The following XPNPEP3 variants were observed in gnomAD, a reference collection of about 807,000 sequenced individuals.
XPNPEP3 encodes xaa-Pro aminopeptidase 3.
A neutral mutation model predicts 60.0 loss-of-function variants in XPNPEP3; 41 were observed. The ratio of observed to expected loss-of-function variants is 0.68; its 90% CI spans 0.53 to 0.89. XPNPEP3 has a LOEUF of 0.89. XPNPEP3 is among the 40% of genes least tolerant of loss of function. The probability of loss-of-function intolerance (pLI) is 0.00; values close to 1 mark genes in which losing one functional copy is unlikely to be tolerated. For missense variants in XPNPEP3, 598 were observed against 638.9 expected (o/e 0.94, Z 0.69); for synonymous variants, 212 against 223.2 (o/e 0.95, Z 0.45).
intron 2 of XPNPEP3, among the ~76,000 whole-genome samples, chr22:40,870,631 A>G (rs1037504119): frequency 9.2e-5 from 14 of 152,214 alleles, no homozygotes; most frequent in African/African-American, 3.4e-4. Flanking sequence ...AAAAGTATCA[A>G]AAGAATTAAT....
intron 1 of XPNPEP3, chr22:40,861,149 G>T: frequency 1.2e-6 from 2 of 1,613,984 alleles, no homozygotes; most frequent in Non-Finnish European, 1.7e-6. Flanking sequence ...CTCCTGCTGA[G>T]AAAATAGGGG....
intron 4 of XPNPEP3, among the ~76,000 whole-genome samples, chr22:40,891,366 A>G (rs932589969): frequency 6.6e-6 from 1 of 151,746 alleles, no homozygotes; most frequent in Non-Finnish European, 1.5e-5. Context: ...AAAAAGTTAC[A>G]TGGTTTAGCT....
At chr22:40,867,308 C>A (rs994884160) in intron 1 of XPNPEP3, among the ~76,000 whole-genome samples, 1 of 152,134 alleles carries the variant, frequency 6.6e-6, no homozygotes, top group Non-Finnish European at 1.5e-5. Context: ...GCTCTTATCC[C>A]TCCCCCTTGC....
intron 4 of XPNPEP3, among the ~76,000 whole-genome samples, chr22:40,887,979 C>T (rs941215664): frequency 6.6e-6 from 1 of 152,076 alleles, no homozygotes; most frequent in African/African-American, 2.4e-5. Flanking sequence ...TCATTTTAAC[C>T]GTTTTTAAGT....
intron 4 of XPNPEP3, among the ~76,000 whole-genome samples, chr22:40,896,023 A>G (rs1005414977): frequency 6.6e-6 from 1 of 152,188 alleles, no homozygotes; most frequent in Non-Finnish European, 1.5e-5. Context: ...AAAACACAGC[A>G]TTTTGACATC....
At chr22:40,866,848 C>T (rs138351) in intron 1 of XPNPEP3, among the ~76,000 whole-genome samples, 30,735 of 152,092 alleles carry the variant, frequency 0.2, 3,282 homozygotes, top group Middle Eastern at 0.27. Context: ...TAAAGTTAAG[C>T]TCCCTCTGCT....
chr22:40,899,260 C>T (rs1200246497), intron 4 of XPNPEP3, among the ~76,000 whole-genome samples: 2 of 152,082 alleles, frequency 1.3e-5, no homozygotes, highest in Admixed American at 1.3e-4. Context: ...GGTTAGAGCT[C>T]CATCTGTTGA....
Position 40,926,370 on chromosome 22 carries a change from A to C in XPNPEP3, c.1459A>C (p.Ile487Leu). ...DVVVTQDSPL[I>L]LSADCPKEMN... ...AGTGGTGACTCAGGACTCACCTCTC[A>C]TCCTTTCTGCAGACTGTCCCAAAGA... Residue 487 changes from isoleucine (I) to leucine (L), a missense_variant, in exon 10 of 10, where the codon ATC (isoleucine) becomes CTC (leucine). Physicochemically the swap from Ile to Leu is conservative, Grantham distance 5. Coordinates refer to ENST00000357137, the MANE Select transcript of XPNPEP3 (RefSeq NM_022098.4). The C allele has an allele frequency of 3.1e-6, 5 of 1,614,144 alleles. No homozygotes were observed. Among genetic ancestry groups the C allele is most frequent in the African/African-American group, 1.3e-5 (1 of 75,030 alleles).
chr22:40,860,725 A>G (rs1368042436), intron 1 of XPNPEP3: 1 of 888,868 alleles, frequency 1.1e-6, no homozygotes, highest in Non-Finnish European at 1.7e-6. Context: ...TGATCCCATT[A>G]CACTGCAACC....
intron 6 of XPNPEP3, among the ~76,000 whole-genome samples, chr22:40,912,375 A>G (rs1053023309): frequency 4.7e-4 from 72 of 152,300 alleles, no homozygotes; most frequent in African/African-American, 1.7e-3. Flanking sequence ...ATGTCAATTT[A>G]TACTTCTACT....
chr22:40,873,098 CTTTTTTTT>C (rs138353), intron 2 of XPNPEP3, among the ~76,000 whole-genome samples: 17 of 88,506 alleles, frequency 1.9e-4, no homozygotes, highest in Admixed American at 2.9e-4. Flanking sequence ...TTTTCTTTTT[CTTTTTTTT>C]TTTTTTTTTT....
intron 4 of XPNPEP3, among the ~76,000 whole-genome samples, chr22:40,906,245 C>T (rs1471470743): frequency 6.6e-6 from 1 of 151,810 alleles, no homozygotes; most frequent in Non-Finnish European, 1.5e-5. Flanking sequence ...AGGCTGAAAA[C>T]ATTAAAAATT....
chr22:40,875,847 T>C (rs1186392525), intron 2 of XPNPEP3, among the ~76,000 whole-genome samples: 2 of 143,028 alleles, frequency 1.4e-5, no homozygotes, highest in African/African-American at 5.4e-5. Context: ...ACTCCACCTC[T>C]ACTAAAAAAA....
chr22:40,915,083 G>A (rs1292863617), intron 7 of XPNPEP3, among the ~76,000 whole-genome samples: 2 of 127,248 alleles, frequency 1.6e-5, no homozygotes, highest in African/African-American at 6.1e-5. Context: ...ACGGAGTCTC[G>A]CTCTGGCACC....
rs1458474877 is a variant in XPNPEP3 at position 40,881,782 on chromosome 22, C to T, written c.194C>T (p.Pro65Leu). The change falls in exon 3 of 10, where the codon CCA becomes CTA. Residue 65 changes from proline to leucine, a missense_variant. Physicochemically the swap from Pro to Leu is moderately conservative, Grantham distance 98 (BLOSUM62 -3). Transcript: ENST00000357137. ...PHLLRPGEVTPGLSQVEYALR... is the reference protein window; with the variant it reads ...PHLLRPGEVTLGLSQVEYALR... The stretch of plus-strand genomic sequence containing the variant: ...TTGTCATTTCTAGGGGAGGTAACTC[C>T]AGGACTATCTCAGGTGGAATATGCA... 1.2e-6 allele frequency: 2 copies of T among 1,614,050 alleles called. No individual in the cohort carries two copies. The highest frequency in any genetic ancestry group is 1.7e-6 in the Non-Finnish European group (2 of 1,179,958).
chr22:40,926,274 T>C lies in XPNPEP3; in HGVS notation c.1363T>C (p.Tyr455His), dbSNP rs1245615649. Residue 455 changes from tyrosine (Y) to histidine (H), a missense_variant, in exon 10 of 10, where the codon TAT becomes CAT. Transcript: ENST00000357137. ...TTCTTCTTTCTACTTCACAGGCATT[T>C]ATATTCCAGAGGATGACAAAGATGC... ...GMVITIEPGIYIPEDDKDAPE... is the reference protein window; with the variant it reads ...GMVITIEPGIHIPEDDKDAPE... The C allele has an allele frequency of 1.9e-6, 3 of 1,614,166 alleles. No homozygotes were observed. Among genetic ancestry groups the C allele is most frequent in the Non-Finnish European group, 8.5e-7 (1 of 1,180,040 alleles).
At chr22:40,898,752 T>C (rs1293383620) in intron 4 of XPNPEP3, among the ~76,000 whole-genome samples, 2 of 152,196 alleles carry the variant, frequency 1.3e-5, no homozygotes, top group East Asian at 1.9e-4. Context: ...AAGTCACATA[T>C]GAAGTTCATG....
chr22:40,861,840 G>T, intron 1 of XPNPEP3: 1 of 1,613,856 alleles, frequency 6.2e-7, no homozygotes. Context: ...TACCTCGTAT[G>T]CCTCAGCTAC....
intron 1 of XPNPEP3, chr22:40,860,636 C>G: frequency 1.5e-6 from 2 of 1,298,142 alleles, no homozygotes; most frequent in Non-Finnish European, 2.1e-6. Flanking sequence ...GTAAAAAACT[C>G]ATTGCAGTTT....
Sources: gnomAD v4.1 joint callset for allele counts (sites outside exome capture counted in the v4.1 genomes callset) on GRCh38, gnomAD v4.1.1 for gene constraint, MANE v1.5 for transcripts, NCBI Gene and HGNC (gene_info 2026-07-23, HGNC 2026-07-21) for gene names.